Variants in HAPLN1 observed in about 807,000 individuals in gnomAD.
HAPLN1 encodes Cartilage link protein.
A neutral mutation model predicts 36.5 loss-of-function variants in HAPLN1; 13 were observed. That is an observed-to-expected ratio of 0.36 (90% confidence interval 0.23 to 0.57). The LOEUF is 0.57. Ranked by LOEUF, HAPLN1 falls within the 20% of genes least tolerant of loss-of-function variation. HAPLN1 has a pLI of 0.83. For missense variants in HAPLN1, 407 were observed against 439.7 expected (o/e 0.93, Z 0.66); for synonymous variants, 202 against 169.8 (o/e 1.19, Z -1.48).
chr5:83,652,775 A>G lies in HAPLN1; in HGVS notation c.150T>C (p.Phe50=). Residue 50 remains phenylalanine (F), a synonymous_variant, in exon 3 of 5, where the codon TTT becomes TTC. Coordinates refer to ENST00000274341, the MANE Select transcript of HAPLN1 (RefSeq NM_001884.4). ...LLVEAEQAKV[F]SHRGGNVTLP... ...GTGTAACATTGCCACCTCTGTGTGA[A>G]AACACCTTGGCTTGCTCTGCTTCCA... 6.2e-7 allele frequency: 1 copy of G among 1,613,400 alleles called. No homozygotes were observed. The highest frequency in any genetic ancestry group is 8.5e-7 in the Non-Finnish European group (1 of 1,179,368).
chr5:83,644,429 T>G lies in HAPLN1; in HGVS notation c.709A>C (p.Asn237His), dbSNP rs778863520. ...GGQNTVPGVR[N>H]YGFWDKDKSR... ...TTATCTTTATCCCAAAATCCGTAGTTCCTGACTCCGGGCACTGTGTTCTGC... is the reference window on the plus strand; with the variant it reads ...TTATCTTTATCCCAAAATCCGTAGTGCCTGACTCCGGGCACTGTGTTCTGC... The change falls in exon 4 of 5, where the codon AAC becomes CAC. Residue 237 changes from asparagine to histidine, a missense_variant. Coordinates refer to ENST00000274341, the MANE Select transcript of HAPLN1 (RefSeq NM_001884.4). 1 of 1,605,796 alleles carries G rather than the reference T, an allele frequency of 6.2e-7. No homozygotes were observed. Among genetic ancestry groups the G allele is most frequent in the East Asian group, 2.2e-5 (1 of 44,730 alleles).
At chr5:83,711,124 T>C (rs753523607) in intron 1 of HAPLN1, among the ~76,000 whole-genome samples, 2 of 151,918 alleles carry the variant, frequency 1.3e-5, no homozygotes, top group Non-Finnish European at 2.9e-5. Context: ...AAAATATTAT[T>C]CTACAAAAAG....
At chr5:83,650,978 G>A (rs1041080608) in intron 3 of HAPLN1, among the ~76,000 whole-genome samples, 1 of 151,906 alleles carries the variant, frequency 6.6e-6, no homozygotes, top group African/African-American at 2.4e-5. Flanking sequence ...ATAGGTTGAA[G>A]CTCCTTTAAA....
rs143979000 is a variant in HAPLN1, at chr5:83,644,580, A to G, written c.558T>C (p.Ala186=). ...ACAGCTGGTCGAAGGAGGCGATCAC[A>G]GCATCCTGGTCCAGACACGCCTGCT... is the stretch of plus-strand genomic sequence containing the variant. ...EAQQACLDQD[A]VIASFDQLYD... is the part of the protein sequence containing the mutation. The change falls in exon 4 of 5, where the codon GCT becomes GCC. Residue 186 remains alanine, a synonymous_variant. Transcript: ENST00000274341. 1.3e-5 allele frequency: 20 copies of G among 1,591,714 alleles called. No homozygotes were observed. In the African/African-American group the frequency reaches 2.6e-4, roughly 20 times the overall value.
intron 1 of HAPLN1, chr5:83,686,142 C>CAAAAAAAAA (rs535353958): frequency 2.0e-4 from 16 of 81,640 alleles, no homozygotes; most frequent in Non-Finnish European, 2.3e-4. Context: ...AAAATGTAGC[C>CAAAAAAAAA]AAAAAAAAAA....
chr5:83,645,825 C>T (rs1749857600), intron 3 of HAPLN1, among the ~76,000 whole-genome samples: 1 of 151,870 alleles, frequency 6.6e-6, no homozygotes, highest in African/African-American at 2.4e-5. Context: ...TCAACTTCCA[C>T]ATGTATATAT....
chr5:83,648,217 G>C (rs575193811), intron 3 of HAPLN1, among the ~76,000 whole-genome samples: 13 of 151,488 alleles, frequency 8.6e-5, no homozygotes, highest in African/African-American at 3.1e-4. Flanking sequence ...GATTCTGTAT[G>C]AAAATGCCGT....
chr5:83,690,806 A>G (rs1271438736), intron 1 of HAPLN1, among the ~76,000 whole-genome samples: 1 of 152,064 alleles, frequency 6.6e-6, no homozygotes, highest in East Asian at 1.9e-4. Flanking sequence ...ATGATCAATT[A>G]CCAAATCTAG....
chr5:83,713,001 T>C (rs1751830624), intron 1 of HAPLN1, among the ~76,000 whole-genome samples: 1 of 152,072 alleles, frequency 6.6e-6, no homozygotes. Context: ...GAATTATAAA[T>C]AGACTTGAAT....
intron 1 of HAPLN1, among the ~76,000 whole-genome samples, chr5:83,718,967 C>T (rs1474137692): frequency 2.6e-5 from 4 of 152,184 alleles, no homozygotes; most frequent in Non-Finnish European, 5.9e-5. Flanking sequence ...CAATATTCCA[C>T]ACCTAAGATG....
chr5:83,648,619 C>T (rs1251448908), intron 3 of HAPLN1, among the ~76,000 whole-genome samples: 1 of 151,078 alleles, frequency 6.6e-6, no homozygotes, highest in Admixed American at 6.6e-5. Flanking sequence ...TATTAAAGGA[C>T]CAACTCAATT....
Position 83,641,503 on chromosome 5 carries a change from T to TA in HAPLN1, c.1057dup (p.Tyr353LeufsTer19). The TA allele has an allele frequency of 6.2e-7, 1 of 1,600,966 alleles. No homozygotes were observed. The highest frequency in any genetic ancestry group is 8.5e-7 in the Non-Finnish European group (1 of 1,170,706). On this transcript the variant is annotated frameshift_variant, in exon 5 of 5. Coordinates refer to ENST00000274341, the MANE Select transcript of HAPLN1 (RefSeq NM_001884.4). LOFTEE classifies it high-confidence loss of function. ...TGCGCTCTAAGGGCACATTCAGTTGTATGCTCTGAAGCAGTAGACACCATA... is the reference window on the plus strand; with the variant it reads ...TGCGCTCTAAGGGCACATTCAGTTGTAATGCTCTGAAGCAGTAGACACCATA...
chr5:83,703,997 A>G (rs1397673667), intron 1 of HAPLN1, among the ~76,000 whole-genome samples: 1 of 152,008 alleles, frequency 6.6e-6, no homozygotes, highest in Non-Finnish European at 1.5e-5. Context: ...AGACAACTAG[A>G]GAGAAAGGGC....
chr5:83,687,104 T>C (rs530540874), intron 1 of HAPLN1, among the ~76,000 whole-genome samples: 1 of 152,284 alleles, frequency 6.6e-6, no homozygotes, highest in African/African-American at 2.4e-5. Flanking sequence ...GAGCAAGTGG[T>C]ATTTATAAAG....
At chr5:83,713,460 C>T (rs1438103576) in intron 1 of HAPLN1, among the ~76,000 whole-genome samples, 1 of 152,090 alleles carries the variant, frequency 6.6e-6, no homozygotes, top group African/African-American at 2.4e-5. Context: ...CTAATTCTTC[C>T]CTGGGTTTCA....
chr5:83,695,288 G>A (rs1751367818), intron 1 of HAPLN1, among the ~76,000 whole-genome samples: 1 of 151,996 alleles, frequency 6.6e-6, no homozygotes, highest in South Asian at 2.1e-4. Context: ...ACCACGCCCA[G>A]CTAATTTTTG....
chr5:83,680,196 G>C (rs1335476224), intron 1 of HAPLN1, among the ~76,000 whole-genome samples: 1 of 152,044 alleles, frequency 6.6e-6, no homozygotes, highest in East Asian at 1.9e-4. Flanking sequence ...CTTGAGATGG[G>C]GGTTAGACTT....
chr5:83,693,735 A>G (rs1751330577), intron 1 of HAPLN1, among the ~76,000 whole-genome samples: 1 of 151,968 alleles, frequency 6.6e-6, no homozygotes, highest in South Asian at 2.1e-4. Context: ...AGGGGAAAAG[A>G]GAGCAATTTC....
intron 1 of HAPLN1, among the ~76,000 whole-genome samples, chr5:83,680,291 A>C (rs574492799): frequency 1.4e-4 from 20 of 147,190 alleles, no homozygotes; most frequent in Non-Finnish European, 2.1e-4. Flanking sequence ...GGCCTATCTG[A>C]GCAAAAGCAC....
Sources: gnomAD v4.1 joint callset for allele counts (sites outside exome capture counted in the v4.1 genomes callset) on GRCh38, gnomAD v4.1.1 for gene constraint, MANE v1.5 for transcripts, NCBI Gene and HGNC (gene_info 2026-07-23, HGNC 2026-07-21) for gene names.